Variants in RANBP2 observed in about 807,000 individuals in gnomAD.
RANBP2 encodes the protein E3 SUMO-protein ligase RanBP2.
A neutral mutation model predicts 303.6 loss-of-function variants in RANBP2; 57 were observed. That is an observed-to-expected ratio of 0.19 (90% confidence interval 0.15 to 0.23). The LOEUF (loss-of-function observed/expected upper bound fraction) is 0.23. RANBP2 is among the 10% of genes least tolerant of loss of function. RANBP2 has a pLI of 1.00. For synonymous variants in RANBP2, 1,167 were observed against 1,301.5 expected (o/e 0.90, Z 2.23); for missense variants, 3,138 against 3,780.8 (o/e 0.83, Z 4.46).
chr2:109,460,936 C>T, the RANBP2 span, among the ~76,000 whole-genome samples: 1 of 152,240 alleles, frequency 6.6e-6, no homozygotes, highest in Non-Finnish European at 1.5e-5. Flanking sequence ...GCTGCAGCTG[C>T]CCACTTTCAG....
the RANBP2 span, among the ~76,000 whole-genome samples, chr2:109,693,492 G>A: frequency 6.6e-6 from 1 of 152,126 alleles, no homozygotes; most frequent in Non-Finnish European, 1.5e-5. Context: ...TGAATCATGG[G>A]GTGGTTTCCC....
the RANBP2 span, among the ~76,000 whole-genome samples, chr2:109,514,725 C>G: frequency 6.6e-6 from 1 of 152,188 alleles, no homozygotes; most frequent in Admixed American, 6.5e-5. Flanking sequence ...GCTGTGGGAC[C>G]GATTGGTCTC....
chr2:108,816,241 A>G, the RANBP2 span: 1 of 611,164 alleles, frequency 1.6e-6, no homozygotes, highest in South Asian at 2.3e-5. Context: ...ACCTGAGGTC[A>G]GGAGTTTAAG....
chr2:109,239,140 T>G, the RANBP2 span, among the ~76,000 whole-genome samples: 3 of 152,190 alleles, frequency 2.0e-5, no homozygotes, highest in African/African-American at 7.2e-5. Flanking sequence ...AGCTCAGAAC[T>G]CTGTGAGCAC....
the RANBP2 span, chr2:108,929,145 C>T: frequency 1.6e-5 from 26 of 1,605,664 alleles, no homozygotes; most frequent in East Asian, 2.5e-4. Flanking sequence ...CGTAGCCCCT[C>T]GGGGTTTTCT....
the RANBP2 span, chr2:109,668,030 AT>A: frequency 0.011 from 1,720 of 158,870 alleles, 31 homozygotes; most frequent in African/African-American, 0.04. Context: ...AAGGCTGGCC[AT>A]AGATCTGCAG....
the RANBP2 span, among the ~76,000 whole-genome samples, chr2:109,255,314 G>A: frequency 5.9e-5 from 9 of 152,256 alleles, no homozygotes; most frequent in Middle Eastern, 3.4e-3. Context: ...ACCACCCACC[G>A]GTGAAACTTG....
the RANBP2 span, among the ~76,000 whole-genome samples, chr2:109,670,181 A>G: frequency 6.6e-6 from 1 of 152,040 alleles, no homozygotes; most frequent in South Asian, 2.1e-4. Context: ...CATCCTTCAC[A>G]TTCTGAAAAT....
At chr2:109,767,408 A>G in the RANBP2 span, among the ~76,000 whole-genome samples, 3 of 141,032 alleles carry the variant, frequency 2.1e-5, no homozygotes, top group African/African-American at 7.8e-5. Flanking sequence ...TAACCATTAC[A>G]TAATCTTTTA....
the RANBP2 span, among the ~76,000 whole-genome samples, chr2:109,630,882 A>G: frequency 6.6e-6 from 1 of 152,052 alleles, no homozygotes; most frequent in Non-Finnish European, 1.5e-5. Flanking sequence ...CCTGGCCAAC[A>G]TGGCGAAAAC....
chr2:108,780,100 G>A (rs1379080109), intron 25 of RANBP2, among the ~76,000 whole-genome samples: 3 of 151,488 alleles, frequency 2.0e-5, no homozygotes, highest in Admixed American at 6.6e-5. Context: ...GGCAGTGACA[G>A]TCTTATCTTT....
chr2:109,727,641 C>G, the RANBP2 span, among the ~76,000 whole-genome samples: 1 of 152,210 alleles, frequency 6.6e-6, no homozygotes, highest in Non-Finnish European at 1.5e-5. Flanking sequence ...CACCCCTCTA[C>G]AGAGAGCACA....
At chr2:109,295,925 G>T in the RANBP2 span, among the ~76,000 whole-genome samples, 1 of 152,168 alleles carries the variant, frequency 6.6e-6, no homozygotes, top group Non-Finnish European at 1.5e-5. Flanking sequence ...CCAGCCTCCT[G>T]CCTGTGCCGA....
At chr2:109,527,806 A>G in the RANBP2 span, among the ~76,000 whole-genome samples, 2 of 152,218 alleles carry the variant, frequency 1.3e-5, no homozygotes, top group Non-Finnish European at 2.9e-5. Flanking sequence ...TTGCTTTGCA[A>G]CTGATTCCCT....
chr2:108,807,520 C>T, the RANBP2 span, among the ~76,000 whole-genome samples: 1 of 152,192 alleles, frequency 6.6e-6, no homozygotes, highest in African/African-American at 2.4e-5. Context: ...TCAAAATCCT[C>T]TCTTTATCTA....
At chr2:108,925,192 T>TCCTGGGCTGGGAGGCCCTCCAGGGC in the RANBP2 span, among the ~76,000 whole-genome samples, 2 of 152,388 alleles carry the variant, frequency 1.3e-5, no homozygotes, top group South Asian at 2.1e-4. Context: ...TTCACGTCTC[T>TCCTGGGCTGGGAGGCCCTCCAGGGC]ATTCCTTGGA....
At chr2:109,740,133 C>A in the RANBP2 span, among the ~76,000 whole-genome samples, 1 of 149,294 alleles carries the variant, frequency 6.7e-6, no homozygotes, top group African/African-American at 2.5e-5. Flanking sequence ...GGACTACAGG[C>A]GCAGGCCACC....
At chr2:109,137,163 C>T in the RANBP2 span, among the ~76,000 whole-genome samples, 2 of 152,178 alleles carry the variant, frequency 1.3e-5, no homozygotes, top group African/African-American at 2.4e-5. Context: ...GTTTATCTGG[C>T]AGGAATTTCT....
At chr2:109,669,733 C>T in the RANBP2 span, among the ~76,000 whole-genome samples, 31 of 152,288 alleles carry the variant, frequency 2.0e-4, no homozygotes, top group Admixed American at 1.6e-3. Context: ...GCTCTTTTAC[C>T]GGCTCCCTGG....
Sources: gnomAD v4.1 joint callset for allele counts (sites outside exome capture counted in the v4.1 genomes callset) on GRCh38, gnomAD v4.1.1 for gene constraint, MANE v1.5 for transcripts, NCBI Gene and HGNC (gene_info 2026-07-23, HGNC 2026-07-21) for gene names.